SNAP47: variants seen among roughly 807,000 people sequenced by gnomAD.
SNAP47 encodes the protein synaptosomal-associated protein 47.
SNAP47 carries 20 observed loss-of-function variants against 31.4 expected under a neutral mutation model. The observed-to-expected ratio is 0.64, with a 90% CI of 0.45 to 0.93. The LOEUF is 0.93. Among genes scored for constraint, SNAP47 ranks in the 40% least tolerant of loss-of-function variants. The pLI is 0.00. For synonymous variants in SNAP47, 194 were observed against 213.4 expected (o/e 0.91, Z 0.79); for missense variants, 492 against 528.5 (o/e 0.93, Z 0.68).
Position 227,780,949 on chromosome 1 carries a change from G to A in SNAP47, c.*276G>A. On this transcript the variant is annotated 3_prime_UTR_variant, in exon 5 of 5. Transcript: ENST00000617596. ...CCATGGCGGGACCCCAAGGACACTT[G>A]GCACAGGCCTGGAAGAGGCCGCCCT... 1 of 477,532 alleles carries A rather than the reference G, an allele frequency of 2.1e-6. No homozygotes were observed. The highest frequency in any genetic ancestry group is 3.8e-6 in the Non-Finnish European group (1 of 264,646). The allele number at this position is 477,532 out of a possible 1,614,324, so 29.6% of individuals were successfully genotyped here. A position where few individuals can be genotyped will look rare whatever the true frequency, so the allele number is the denominator to read the frequency against.
Position 227,767,103 on chromosome 1 carries a change from A to G in SNAP47, c.1113+20A>G. On this transcript the variant is annotated intron_variant, in intron 4 of 4. Transcript: ENST00000617596. ...ACCCAGGTAAGATGTCCCCAGTGCC[A>G]TGCCAGCCAGCGCTGTGTCCCAGTC... The G allele has an allele frequency of 2.5e-6, 4 of 1,613,712 alleles. No individual in the cohort carries two copies. The highest frequency in any genetic ancestry group is 3.4e-6 in the Non-Finnish European group (4 of 1,179,888).
intron 4 of SNAP47, chr1:227,775,781 C>A: frequency 2.3e-6 from 3 of 1,303,110 alleles, no homozygotes; most frequent in Non-Finnish European, 3.0e-6. Flanking sequence ...CTTGTTTTTG[C>A]TCTGCAGGGC....
intron 4 of SNAP47, chr1:227,776,071 C>G: frequency 1.7e-6 from 2 of 1,186,114 alleles, no homozygotes; most frequent in Non-Finnish European, 2.1e-6. Flanking sequence ...TTTCTTTGTT[C>G]AGGTTGTGCC....
intron 4 of SNAP47, among the ~76,000 whole-genome samples, chr1:227,769,661 G>A (rs1377678464): frequency 6.6e-6 from 1 of 152,122 alleles, no homozygotes; most frequent in African/African-American, 2.4e-5. Context: ...GTGACACGGC[G>A]AGCCCTTCTG....
intron 4 of SNAP47, among the ~76,000 whole-genome samples, chr1:227,767,547 ATG>A (rs1364310807): frequency 3.3e-5 from 5 of 152,010 alleles, no homozygotes; most frequent in South Asian, 2.1e-4. Flanking sequence ...TTGTGAGTAC[ATG>A]TGTGTGTTGT....
intron 1 of SNAP47, among the ~76,000 whole-genome samples, chr1:227,742,708 T>A (rs191588417): frequency 4.3e-4 from 65 of 152,062 alleles, no homozygotes; most frequent in African/African-American, 1.4e-3. Context: ...ATGGCTGAGG[T>A]CTGGGCAGCC....
At chr1:227,744,215 G>A (rs1317985598) in intron 1 of SNAP47, 2 of 147,972 alleles carry the variant, frequency 1.4e-5, no homozygotes, top group African/African-American at 5.0e-5. Context: ...CCTGTGGGTT[G>A]TTGAATCCAC....
At chr1:227,751,530 C>G (rs1662351853) in intron 2 of SNAP47, among the ~76,000 whole-genome samples, 1 of 152,134 alleles carries the variant, frequency 6.6e-6, no homozygotes, top group African/African-American at 2.4e-5. Context: ...GACTGCAGGT[C>G]GCAGTGTCGG....
chr1:227,732,204 C>G, upstream of SNAP47: 1 of 652,590 alleles, frequency 1.5e-6, no homozygotes, highest in Non-Finnish European at 2.7e-6. Context: ...CACATCCCAT[C>G]TTGGGTCCCT....
chr1:227,734,102 G>A, upstream of SNAP47: 3 of 1,547,424 alleles, frequency 1.9e-6, no homozygotes, highest in Non-Finnish European at 2.6e-6. Flanking sequence ...GCACGAGTGG[G>A]GCAACTGAGA....
At chr1:227,744,603 T>C (rs1661833803) in intron 1 of SNAP47, among the ~76,000 whole-genome samples, 1 of 146,980 alleles carries the variant, frequency 6.8e-6, no homozygotes, top group Non-Finnish European at 1.5e-5. Context: ...CTCATCCTTC[T>C]GTGTGTGAGC....
chr1:227,771,191 G>A (rs1004688947), intron 4 of SNAP47, among the ~76,000 whole-genome samples: 2 of 152,226 alleles, frequency 1.3e-5, no homozygotes, highest in Non-Finnish European at 2.9e-5. Context: ...TTCATGTCAA[G>A]TGTTCATCAC....
At chr1:227,769,107 G>T (rs756282507) in intron 4 of SNAP47, among the ~76,000 whole-genome samples, 1 of 152,204 alleles carries the variant, frequency 6.6e-6, no homozygotes, top group Non-Finnish European at 1.5e-5. Flanking sequence ...GTGACTGCAC[G>T]GAGCTGAGGG....
At chr1:227,737,688 G>A (rs1213269758) in intron 1 of SNAP47, among the ~76,000 whole-genome samples, 1 of 152,190 alleles carries the variant, frequency 6.6e-6, no homozygotes, top group East Asian at 1.9e-4. Context: ...ACAGGGAGGA[G>A]CAGAAGAGGG....
upstream of SNAP47, chr1:227,732,633 T>TA (rs1660738837): frequency 3.7e-6 from 6 of 1,613,420 alleles, no homozygotes; most frequent in Non-Finnish European, 5.1e-6. Context: ...GAGGAAGTGG[T>TA]AAAACTCTTC....
At chr1:227,734,316 G>T, upstream of SNAP47, 1 of 266,006 alleles carries the variant, frequency 3.8e-6, no homozygotes, top group Non-Finnish European at 6.5e-6. Context: ...AGGAGTTCAA[G>T]ACCAGCCTGG....
chr1:227,766,658 T>G (rs1460457237), intron 3 of SNAP47, among the ~76,000 whole-genome samples: 4 of 152,260 alleles, frequency 2.6e-5, no homozygotes, highest in Admixed American at 6.5e-5. Flanking sequence ...TCAATGATTC[T>G]TGTGTTTTTT....
chr1:227,728,191 C>A (rs1188715164), upstream of SNAP47, among the ~76,000 whole-genome samples: 5 of 152,210 alleles, frequency 3.3e-5, no homozygotes, highest in African/African-American at 1.2e-4. Flanking sequence ...CAACGGGCAC[C>A]TCCGGGCTAG....
intron 1 of SNAP47, among the ~76,000 whole-genome samples, chr1:227,729,046 G>C (rs778103539): frequency 6.6e-6 from 1 of 152,260 alleles, no homozygotes; most frequent in East Asian, 1.9e-4. Context: ...TGGGGCCCCA[G>C]GTGGGGTCTA....
Sources: allele counts gnomAD v4.1 joint callset (sites outside exome capture counted in the v4.1 genomes callset), GRCh38; gene constraint gnomAD v4.1.1; transcripts MANE v1.5; gene names NCBI Gene and HGNC (gene_info 2026-07-23, HGNC 2026-07-21).